GALNT17: variants seen among roughly 807,000 people sequenced by gnomAD.
The protein encoded by GALNT17 is polypeptide N-acetylgalactosaminyltransferase 17, also known as UDP-GalNAc:polypeptide N-acetylgalactosaminyltransferase-like 3.
GALNT17 carries 29 observed loss-of-function variants against 63.7 expected under a neutral mutation model. The ratio of observed to expected loss-of-function variants is 0.46; its 90% CI spans 0.34 to 0.62. GALNT17 has a LOEUF of 0.62. Among genes scored for constraint, GALNT17 ranks in the 20% least tolerant of loss-of-function variants. The pLI is 0.01. For synonymous variants in GALNT17, 305 were observed against 318.3 expected, an observed-to-expected ratio of 0.96 and a Z score of 0.45; for missense variants, 603 against 799.6, an observed-to-expected ratio of 0.75 and a Z score of 2.97.
At chr7:71,337,455 C>G (rs1029291226) in intron 2 of GALNT17, among the ~76,000 whole-genome samples, 1 of 152,096 alleles carries the variant, frequency 6.6e-6, no homozygotes, top group African/African-American at 2.4e-5. Context: ...TATAGTAATT[C>G]TACTCTTGTT....
At chr7:71,552,070 G>A (rs570279570) in intron 5 of GALNT17, among the ~76,000 whole-genome samples, 3 of 149,878 alleles carry the variant, frequency 2.0e-5, no homozygotes, top group African/African-American at 7.4e-5. Flanking sequence ...TTTGAGTCAG[G>A]GTGTTGGTTT....
At chr7:71,415,288 A>G (rs1793504776) in intron 3 of GALNT17, among the ~76,000 whole-genome samples, 1 of 152,176 alleles carries the variant, frequency 6.6e-6, no homozygotes, top group Non-Finnish European at 1.5e-5. Context: ...TTCATTTGCA[A>G]AATAGAATTA....
chr7:71,499,597 A>G (rs1023023624), intron 5 of GALNT17, among the ~76,000 whole-genome samples: 1 of 152,198 alleles, frequency 6.6e-6, no homozygotes, highest in African/African-American at 2.4e-5. Context: ...CAAAGATTCC[A>G]GGGAAATGCT....
At chr7:71,461,859 C>A (rs188132923) in intron 5 of GALNT17, among the ~76,000 whole-genome samples, 1 of 152,154 alleles carries the variant, frequency 6.6e-6, no homozygotes, top group Admixed American at 6.6e-5. Flanking sequence ...TCGACAGGTC[C>A]GAGTTACTTA....
intron 1 of GALNT17, among the ~76,000 whole-genome samples, chr7:71,292,118 T>A (rs1790989556): frequency 6.6e-6 from 1 of 152,216 alleles, no homozygotes; most frequent in Non-Finnish European, 1.5e-5. Flanking sequence ...GAACTAATAA[T>A]TTTCCCAGTT....
At chr7:71,640,423 T>C (rs1790587505) in intron 6 of GALNT17, among the ~76,000 whole-genome samples, 2 of 152,208 alleles carry the variant, frequency 1.3e-5, no homozygotes, top group Admixed American at 1.3e-4. Context: ...TCTGAGTCTG[T>C]AAACTTGGTC....
chr7:71,199,175 G>C (rs1271687280), intron 1 of GALNT17, among the ~76,000 whole-genome samples: 1 of 152,128 alleles, frequency 6.6e-6, no homozygotes, highest in Non-Finnish European at 1.5e-5. Flanking sequence ...GGTGGCCAAG[G>C]GGGTGGCTAA....
chr7:71,502,281 TCA>T (rs762500490), intron 5 of GALNT17, among the ~76,000 whole-genome samples: 1 of 152,240 alleles, frequency 6.6e-6, no homozygotes, highest in Non-Finnish European at 1.5e-5. Flanking sequence ...ATCCCATCTT[TCA>T]CAGTCTTGTT....
intron 2 of GALNT17, among the ~76,000 whole-genome samples, chr7:71,386,474 T>C (rs1313524285): frequency 2.0e-5 from 3 of 152,260 alleles, no homozygotes; most frequent in African/African-American, 7.2e-5. Context: ...TGTTTCTCTT[T>C]GCTATTTCCA....
chr7:71,570,428 A>G (rs1789420530), intron 5 of GALNT17, among the ~76,000 whole-genome samples: 2 of 151,916 alleles, frequency 1.3e-5, no homozygotes, highest in South Asian at 2.1e-4. Context: ...CTTGCTTGCA[A>G]TCTTCCTCTC....
chr7:71,331,760 C>T (rs1253871466), intron 1 of GALNT17, among the ~76,000 whole-genome samples: 3 of 152,056 alleles, frequency 2.0e-5, no homozygotes, highest in Admixed American at 6.6e-5. Flanking sequence ...CCAGTGTCCT[C>T]GTTTGTGAAA....
chr7:71,596,185 C>CATG (rs1398514271), intron 6 of GALNT17, among the ~76,000 whole-genome samples: 1 of 152,050 alleles, frequency 6.6e-6, no homozygotes, highest in African/African-American at 2.4e-5. Flanking sequence ...ATTACAGGTG[C>CATG]CCACCACCAC....
At chr7:71,188,047 G>A (rs191347783) in intron 1 of GALNT17, among the ~76,000 whole-genome samples, 12 of 152,208 alleles carry the variant, frequency 7.9e-5, no homozygotes, top group Admixed American at 2.0e-4. Context: ...AAGTTGCTGC[G>A]AATGCCATTA....
intron 5 of GALNT17, among the ~76,000 whole-genome samples, chr7:71,422,762 T>C (rs1786689697): frequency 6.6e-6 from 1 of 152,218 alleles, no homozygotes; most frequent in African/African-American, 2.4e-5. Flanking sequence ...CTCTGCCTTA[T>C]CACAAGGACA....
intron 5 of GALNT17, among the ~76,000 whole-genome samples, chr7:71,508,406 A>G (rs1033924365): frequency 1.3e-5 from 2 of 152,176 alleles, no homozygotes; most frequent in African/African-American, 4.8e-5. Flanking sequence ...TTGTGTTTGT[A>G]TCTGTGACAC....
At chr7:71,582,879 G>A (rs1197689577) in intron 6 of GALNT17, among the ~76,000 whole-genome samples, 1 of 152,040 alleles carries the variant, frequency 6.6e-6, no homozygotes, top group African/African-American at 2.4e-5. Context: ...TAGTGCTTGG[G>A]TGATGGGTGC....
At chr7:71,604,912 T>A (rs529280721) in intron 6 of GALNT17, among the ~76,000 whole-genome samples, 12 of 152,288 alleles carry the variant, frequency 7.9e-5, no homozygotes, top group African/African-American at 2.6e-4. Context: ...ACCCATCATA[T>A]GTGGCAAAGA....
chr7:71,434,733 T>C (rs559161802), intron 5 of GALNT17, among the ~76,000 whole-genome samples: 2 of 152,322 alleles, frequency 1.3e-5, no homozygotes, highest in South Asian at 4.1e-4. Flanking sequence ...ATTGTTCCAC[T>C]AGTAGAAAAT....
intron 3 of GALNT17, among the ~76,000 whole-genome samples, chr7:71,392,888 A>G (rs1276791901): frequency 6.6e-6 from 1 of 152,052 alleles, no homozygotes; most frequent in Non-Finnish European, 1.5e-5. Flanking sequence ...TTTTATTAAG[A>G]TGTTCTTTGT....
Sources: gnomAD v4.1 joint callset for allele counts (sites outside exome capture counted in the v4.1 genomes callset) on GRCh38, gnomAD v4.1.1 for gene constraint, MANE v1.5 for transcripts, NCBI Gene and HGNC (gene_info 2026-07-23, HGNC 2026-07-21) for gene names.